ZNF462: variants seen among roughly 807,000 people sequenced by gnomAD.
The protein encoded by ZNF462 is zinc finger PBX1-interacting protein.
Under a neutral mutation model 201.9 loss-of-function variants are expected in ZNF462, and 10 were observed. That is an observed-to-expected ratio of 0.05 (90% CI 0.03 to 0.08). The LOEUF is 0.08. Ranked by LOEUF, ZNF462 falls within the 10% of genes least tolerant of loss-of-function variation. The pLI is 1.00. For synonymous variants in ZNF462, 1,227 were observed against 1,193.3 expected, an observed-to-expected ratio of 1.03 and a Z score of -0.58; for missense variants, 2,523 against 3,168.3, an observed-to-expected ratio of 0.80 and a Z score of 4.89.
intron 10 of ZNF462, among the ~76,000 whole-genome samples, chr9:106,991,875 C>CAA (rs375448835): frequency 2.1e-4 from 31 of 148,962 alleles, no homozygotes; most frequent in African/African-American, 7.7e-4. Context: ...CACACACACA[C>CAA]ACACACAACA....
chr9:106,891,027 A>G (rs1358937863), intron 1 of ZNF462, among the ~76,000 whole-genome samples: 1 of 152,198 alleles, frequency 6.6e-6, no homozygotes, highest in Non-Finnish European at 1.5e-5. Context: ...ATTTTTAGCT[A>G]ATTTAGTAAA....
Position 106,932,416 on chromosome 9 carries a change from C to T in ZNF462, c.6013-30C>T. 6.2e-7 allele frequency: 1 copy of T among 1,614,158 alleles called. No homozygotes were observed. The highest frequency in any genetic ancestry group is 8.5e-7 in the Non-Finnish European group (1 of 1,180,018). ...CCGGCCGGGGGGATACCATTGCAGT[C>T]AATGTGACAGAGTCCTGATGTCCAT... On this transcript the variant is annotated intron_variant, in intron 4 of 12. Transcript: ENST00000277225. The surrounding 1 kb of genome is among the most constrained non-coding windows in gnomAD (Gnocchi z 6.8).
At chr9:106,891,688 C>T (rs1828584700) in intron 1 of ZNF462, among the ~76,000 whole-genome samples, 1 of 152,066 alleles carries the variant, frequency 6.6e-6, no homozygotes, top group African/African-American at 2.4e-5. Context: ...CAAGTTCTTC[C>T]CCTCTCCACA....
chr9:106,867,010 A>T (rs1827363567), intron 1 of ZNF462, among the ~76,000 whole-genome samples: 1 of 151,774 alleles, frequency 6.6e-6, no homozygotes, highest in Admixed American at 6.6e-5. Context: ...CAGCTGTTTG[A>T]CTCTCCACAT....
At position 106,932,699 on chromosome 9, in the gene ZNF462, C is replaced by G; in HGVS notation, c.6116+150C>G. 1 of 977,004 alleles carries G rather than the reference C, an allele frequency of 1.0e-6. No individual in the cohort carries two copies. The highest frequency in any genetic ancestry group is 1.6e-5 in the South Asian group (1 of 60,656). The allele number at this position is 977,004 out of a possible 1,614,324, so 60.5% of individuals were successfully genotyped here. ...TTACCTGGAGCCTCAGTCACCTTTT[C>G]TGTAAAATGGGGCTGAGAACAGGAG... On this transcript the variant is annotated intron_variant, in intron 5 of 12. Coordinates refer to ENST00000277225, the MANE Select transcript of ZNF462 (RefSeq NM_021224.6). The surrounding 1 kb of genome is among the most constrained non-coding windows in gnomAD (Gnocchi z 6.8).
chr9:106,899,495 T>C lies in ZNF462; in HGVS notation c.-30-23859T>C, dbSNP rs79932296. ...ATAAGAGAGAAAAGATAGGTGTCTG[T>C]GCAGATGAGGAAGGGAAACCCTGAG... On this transcript the variant is annotated intron_variant, in intron 1 of 12. Coordinates refer to ENST00000277225, the MANE Select transcript of ZNF462 (RefSeq NM_021224.6). Among the ~76,000 whole-genome samples the C allele has an allele frequency of 4.9e-4, 75 of 152,274 alleles. 2 individuals carry two copies. The East Asian group carries it at 0.013, about 27-fold the overall frequency.
chr9:106,970,519 T>C lies in ZNF462; in HGVS notation c.6428-1486T>C, dbSNP rs531295818. Reference sequence around the variant, plus strand: ...TCCTCCATGTCCTGCCTTAGGGAATTATGCTTTGGAAAATTAAGTGTCCAT... The same window carrying C: ...TCCTCCATGTCCTGCCTTAGGGAATCATGCTTTGGAAAATTAAGTGTCCAT... On this transcript the variant is annotated intron_variant, in intron 7 of 12. Transcript: ENST00000277225. The surrounding 1 kb of genome is among the most constrained non-coding windows in gnomAD (Gnocchi z 4.2). Among the ~76,000 whole-genome samples the C allele has an allele frequency of 6.6e-6, 1 of 152,204 alleles. No individual in the cohort carries two copies. The highest frequency in any genetic ancestry group is 2.4e-5 in the African/African-American group (1 of 41,464).
rs1177677246 is a variant in ZNF462, at chr9:106,974,651, G to T, written c.6832+378G>T. ...AATGTGAAATGTGGAGAGCTCTATGGCTGTGAGAGATTCTTTCAAGAAGAC... is the reference window on the plus strand; with the variant it reads ...AATGTGAAATGTGGAGAGCTCTATGTCTGTGAGAGATTCTTTCAAGAAGAC... On this transcript the variant is annotated intron_variant, in intron 9 of 12. Transcript: ENST00000277225. This position sits in a 1 kb window ranked among gnomAD's most constrained non-coding sequence, Gnocchi z 4.0. 3.5e-6 allele frequency: 1 copy of T among 289,464 alleles called. No individual in the cohort carries two copies. Among genetic ancestry groups the T allele is most frequent in the East Asian group, 8.1e-5 (1 of 12,408 alleles). The allele number at this position is 289,464 out of a possible 1,614,324, so 17.9% of individuals were successfully genotyped here.
Position 106,935,070 on chromosome 9 carries a change from TC to T in ZNF462, c.6117-432del, listed in dbSNP as rs1830576112. Among the ~76,000 whole-genome samples the T allele has an allele frequency of 6.6e-6, 1 of 152,210 alleles. No homozygotes were observed. The highest frequency in any genetic ancestry group is 1.5e-5 in the Non-Finnish European group (1 of 68,036). Reference sequence around the variant, plus strand: ...ATTAGAATTCAAAAAGAAAGTCAGCTCTTTTCAAATGCTAAATTTCTCTAAT... The same window carrying T: ...ATTAGAATTCAAAAAGAAAGTCAGCTTTTTCAAATGCTAAATTTCTCTAAT... On this transcript the variant is annotated intron_variant, in intron 5 of 12. Transcript: ENST00000277225. The surrounding 1 kb of genome is among the most constrained non-coding windows in gnomAD (Gnocchi z 4.1).
intron 7 of ZNF462, among the ~76,000 whole-genome samples, chr9:106,944,493 C>G (rs560320453): frequency 6.6e-6 from 1 of 152,244 alleles, no homozygotes; most frequent in South Asian, 2.1e-4. Context: ...TAATTTGATA[C>G]ATGCATATGA....
At chr9:106,982,151 G>A (rs982454493) in intron 9 of ZNF462, among the ~76,000 whole-genome samples, 2 of 152,240 alleles carry the variant, frequency 1.3e-5, no homozygotes, top group African/African-American at 4.8e-5. Flanking sequence ...CATGGGTTCT[G>A]TCCATGAGTG....
chr9:106,897,521 G>C (rs1377294671), intron 1 of ZNF462, among the ~76,000 whole-genome samples: 1 of 151,808 alleles, frequency 6.6e-6, no homozygotes, highest in Admixed American at 6.6e-5. Context: ...AAACTATTTG[G>C]AGACCAGTTC....
At chr9:106,992,693 G>A (rs1247981407) in intron 10 of ZNF462, among the ~76,000 whole-genome samples, 1 of 152,104 alleles carries the variant, frequency 6.6e-6, no homozygotes, top group Non-Finnish European at 1.5e-5. Context: ...GAGACAGGAA[G>A]CAGCTAAGAG....
intron 7 of ZNF462, 134 bp downstream of exon 7, chr9:106,939,241 A>C: frequency 1.0e-6 from 1 of 997,802 alleles, no homozygotes. Context: ...AATATGAAAA[A>C]GTTGAAATGG....
Position 106,930,944 on chromosome 9 carries a change from C to T in ZNF462, c.6012+255C>T, listed in dbSNP as rs1830399372. 6 of 414,042 alleles carry T rather than the reference C, an allele frequency of 1.4e-5. No individual in the cohort carries two copies. The highest frequency in any genetic ancestry group is 2.8e-5 in the South Asian group (1 of 35,786). 25.6% of individuals were successfully genotyped at this position (414,042 alleles called of 1,614,324 possible). A position where few individuals can be genotyped will look rare whatever the true frequency, so the allele number is the denominator to read the frequency against. On this transcript the variant is annotated intron_variant, in intron 4 of 12. Coordinates refer to ENST00000277225, the MANE Select transcript of ZNF462 (RefSeq NM_021224.6). This position sits in a 1 kb window ranked among gnomAD's most constrained non-coding sequence, Gnocchi z 5.8. The stretch of plus-strand genomic sequence containing the variant: ...GTGGCAGCAGAAGGTCCAGGATTCT[C>T]GGTCTAGGAGGCTTCGGGTCGTCCT...
At position 106,919,634 on chromosome 9, in the gene ZNF462, A is replaced by G. The variant is rs1023190269; in HGVS notation, c.-30-3720A>G. Among the ~76,000 whole-genome samples the G allele has an allele frequency of 4.6e-5, 7 of 152,234 alleles. No homozygotes were observed. Among genetic ancestry groups the G allele is most frequent in the Non-Finnish European group, 1.0e-4 (7 of 68,040 alleles). On this transcript the variant is annotated intron_variant, in intron 1 of 12. Coordinates refer to ENST00000277225, the MANE Select transcript of ZNF462 (RefSeq NM_021224.6). The surrounding 1 kb of genome is among the most constrained non-coding windows in gnomAD (Gnocchi z 4.5). ...CACATTTTGAAATCCTTCAAACTGT[A>G]AATGCAAACTGAACAAACCAGCAAC...
chr9:106,975,419 A>G (rs2132097156), intron 9 of ZNF462: 1 of 152,320 alleles, frequency 6.6e-6, no homozygotes, highest in East Asian at 1.9e-4. Context: ...TGGCCAATAC[A>G]TTTGTGACAT....
intron 7 of ZNF462, 74 bp from the exon 8 acceptor site, chr9:106,971,931 T>C: frequency 3.3e-6 from 5 of 1,524,878 alleles, no homozygotes; most frequent in Non-Finnish European, 4.4e-6. Flanking sequence ...AGAAACCTGA[T>C]GTCAGGGGTT....
At position 106,928,182 on chromosome 9, in the gene ZNF462, G is replaced by T. The variant is rs770109389; in HGVS notation, c.4270G>T (p.Ala1424Ser). The part of the protein sequence containing the change: ...EKPILSSEEL[A>S]GPVNCENSIP... ...GCCCATTCTTTCATCCGAAGAGTTG[G>T]CAGGCCCTGTGAATTGTGAAAACAG... The change falls in exon 3 of 13, where the codon GCA (alanine) becomes TCA (serine). Residue 1424 changes from alanine to serine, a missense_variant. By Grantham distance (99) the Ala-to-Ser change is moderately conservative (BLOSUM62 1). Transcript: ENST00000277225. The surrounding 1 kb of genome is among the most constrained non-coding windows in gnomAD (Gnocchi z 9.3). The T allele has an allele frequency of 6.2e-7, 1 of 1,614,142 alleles. No homozygotes were observed. Among genetic ancestry groups the T allele is most frequent in the South Asian group, 1.1e-5 (1 of 91,086 alleles).
Sources: gnomAD v4.1 joint callset for allele counts (sites outside exome capture counted in the v4.1 genomes callset) on GRCh38, gnomAD v4.1.1 for gene constraint, Gnocchi (gnomAD v3.1) non-coding constraint, MANE v1.5 for transcripts, NCBI Gene and HGNC (gene_info 2026-07-23, HGNC 2026-07-21) for gene names.